RBFOX1: variants seen among roughly 807,000 people sequenced by gnomAD.
RBFOX1 encodes the protein RNA binding protein fox-1 homolog 1.
Under a neutral mutation model 57.7 loss-of-function variants are expected in RBFOX1, and 8 were observed. The ratio of observed to expected loss-of-function variants is 0.14; its 90% CI spans 0.08 to 0.25. The LOEUF is 0.25. Ranked by LOEUF, RBFOX1 falls within the 10% of genes least tolerant of loss-of-function variation. RBFOX1 has a pLI of 1.00. For synonymous variants in RBFOX1, 326 were observed against 222.4 expected, an observed-to-expected ratio of 1.47 and a Z score of -4.15; for missense variants, 611 against 548.5, an observed-to-expected ratio of 1.11 and a Z score of -1.14.
intron 4 of RBFOX1, among the ~76,000 whole-genome samples, chr16:7,452,880 G>A (rs2057654476): frequency 6.6e-6 from 1 of 152,146 alleles, no homozygotes; most frequent in Non-Finnish European, 1.5e-5. Flanking sequence ...CAGAATCCCA[G>A]CATTTTGGGA....
At chr16:5,478,520 T>C (rs2069410445) in intron 2 of RBFOX1, among the ~76,000 whole-genome samples, 1 of 152,180 alleles carries the variant, frequency 6.6e-6, no homozygotes, top group Non-Finnish European at 1.5e-5. Flanking sequence ...ATTAAACACA[T>C]ACACATAAAA....
intron 3 of RBFOX1, among the ~76,000 whole-genome samples, chr16:5,613,520 G>A (rs1041594840): frequency 1.3e-5 from 2 of 152,118 alleles, no homozygotes; most frequent in African/African-American, 4.8e-5. Flanking sequence ...AGGGCAGAGG[G>A]GAATGAGAGA....
At chr16:6,937,060 T>G (rs1173325530) in intron 3 of RBFOX1, among the ~76,000 whole-genome samples, 1 of 151,930 alleles carries the variant, frequency 6.6e-6, no homozygotes, top group African/African-American at 2.4e-5. Flanking sequence ...ACCTGCACAA[T>G]GTGCACATGT....
intron 3 of RBFOX1, among the ~76,000 whole-genome samples, chr16:6,721,562 C>T (rs961363930): frequency 2.0e-5 from 3 of 152,076 alleles, no homozygotes; most frequent in Admixed American, 6.6e-5. Context: ...AAGATGGAAG[C>T]TTTATGTTTG....
At chr16:7,639,885 A>G (rs547136742) in intron 11 of RBFOX1, among the ~76,000 whole-genome samples, 61 of 152,276 alleles carry the variant, frequency 4.0e-4, no homozygotes, top group African/African-American at 1.3e-3. Flanking sequence ...TTATCTATTT[A>G]TGAACAATAG....
At chr16:7,414,418 A>G (rs1003186534) in intron 4 of RBFOX1, among the ~76,000 whole-genome samples, 2 of 152,206 alleles carry the variant, frequency 1.3e-5, no homozygotes, top group East Asian at 3.9e-4. Flanking sequence ...ATAAAGGAAG[A>G]AAAATATTGA....
chr16:7,693,907 A>G (rs1296032561), intron 14 of RBFOX1, among the ~76,000 whole-genome samples: 2 of 152,234 alleles, frequency 1.3e-5, no homozygotes, highest in Non-Finnish European at 2.9e-5. Context: ...CCTTTCTTAT[A>G]AAACATCTCT....
At chr16:5,662,676 T>C (rs1259335288) in intron 3 of RBFOX1, among the ~76,000 whole-genome samples, 1 of 152,190 alleles carries the variant, frequency 6.6e-6, no homozygotes, top group Admixed American at 6.5e-5. Context: ...ATATGGAGAA[T>C]TGTGTGGAAT....
At chr16:5,748,869 C>T (rs573594990) in intron 3 of RBFOX1, among the ~76,000 whole-genome samples, 121 of 152,296 alleles carry the variant, frequency 7.9e-4, no homozygotes, top group Non-Finnish European at 1.5e-3. Context: ...AGCCCATTGA[C>T]ATTTAAGGTT....
rs142637112 is a variant in RBFOX1, at chr16:5,711,406, C to T, written c.318+112445C>T. Among the ~76,000 whole-genome samples the T allele has an allele frequency of 2.6e-5, 4 of 152,326 alleles. No homozygotes were observed. The East Asian group carries it at 5.8e-4, about 22-fold the overall frequency. On this transcript the variant is annotated intron_variant, in intron 3 of 19. Transcript: ENST00000641259. ...TTATTTCAGAGTTCATGTCCTTAAC[C>T]ATTCAGGATACCACCTTTCAGCTGA...
intron 2 of RBFOX1, among the ~76,000 whole-genome samples, chr16:6,376,589 C>G (rs2091205669): frequency 6.6e-6 from 1 of 152,086 alleles, no homozygotes; most frequent in African/African-American, 2.4e-5. Context: ...CGTCACCTGT[C>G]CTCTATGTGT....
chr16:7,086,721 T>TACACACACACACACACACAGAC (rs1555460280), intron 4 of RBFOX1, among the ~76,000 whole-genome samples: 97,975 of 149,382 alleles, frequency 0.66, 32,467 homozygotes, highest in East Asian at 0.88. Context: ...GAAGAATGTA[T>TACACACACACACACACACAGAC]ACACACACAC....
intron 2 of RBFOX1, among the ~76,000 whole-genome samples, chr16:6,648,313 G>A (rs369004355): frequency 6.6e-6 from 1 of 151,842 alleles, no homozygotes; most frequent in Non-Finnish European, 1.5e-5. Flanking sequence ...CTCTGGACTC[G>A]GCCTCCCAAA....
chr16:6,906,686 C>G (rs12444752), intron 3 of RBFOX1, among the ~76,000 whole-genome samples: 3 of 151,198 alleles, frequency 2.0e-5, no homozygotes, highest in Non-Finnish European at 2.9e-5. Context: ...GAGCCTAGTT[C>G]AGAGCAGACT....
intron 4 of RBFOX1, among the ~76,000 whole-genome samples, chr16:7,499,706 G>C (rs1251109431): frequency 6.6e-6 from 1 of 152,108 alleles, no homozygotes; most frequent in East Asian, 1.9e-4. Context: ...AAGTGCGCCA[G>C]AATCACAACT....
At chr16:7,537,117 T>G (rs537076460) in intron 5 of RBFOX1, among the ~76,000 whole-genome samples, 1 of 152,212 alleles carries the variant, frequency 6.6e-6, no homozygotes, top group Non-Finnish European at 1.5e-5. Context: ...GGGAATGATC[T>G]GACCACCATG....
At chr16:7,340,135 A>G (rs1161250706) in intron 4 of RBFOX1, among the ~76,000 whole-genome samples, 2 of 152,246 alleles carry the variant, frequency 1.3e-5, no homozygotes, top group South Asian at 2.1e-4. Flanking sequence ...GTCAGCCCCA[A>G]GAAAGCTGCA....
chr16:6,244,023 T>A (rs527383374), intron 1 of RBFOX1, among the ~76,000 whole-genome samples: 14 of 152,180 alleles, frequency 9.2e-5, no homozygotes, highest in Admixed American at 2.6e-4. Context: ...CATTATCTCT[T>A]AGAGCCGTGA....
At chr16:6,655,314 C>T (rs1024155210) in intron 3 of RBFOX1, among the ~76,000 whole-genome samples, 1 of 128,760 alleles carries the variant, frequency 7.8e-6, no homozygotes, top group Non-Finnish European at 1.6e-5. Flanking sequence ...GTGGAGACTG[C>T]AGTGAGCCAA....
Sources: allele counts gnomAD v4.1 joint callset (sites outside exome capture counted in the v4.1 genomes callset), GRCh38; gene constraint gnomAD v4.1.1; transcripts MANE v1.5; gene names NCBI Gene and HGNC (gene_info 2026-07-23, HGNC 2026-07-21).